The following PDZD7 variants were observed in gnomAD, a reference collection of about 807,000 sequenced individuals.
PDZD7 encodes PDZ domain containing 7, also known as PDZ domain-containing protein 7.
A neutral mutation model predicts 84.7 loss-of-function variants in PDZD7; 72 were observed. The observed-to-expected ratio is 0.85, with a 90% CI of 0.70 to 1.03. PDZD7 has a LOEUF of 1.03. Among genes scored for constraint, PDZD7 ranks in the 50% least tolerant of loss-of-function variants. PDZD7 has a pLI of 0.00. For missense variants in PDZD7, 1,490 were observed against 1,412.9 expected, an observed-to-expected ratio of 1.05 and a Z score of -0.87; for synonymous variants, 594 against 580.7, an observed-to-expected ratio of 1.02 and a Z score of -0.33.
chr10:101,012,243 C>T lies in PDZD7; in HGVS notation c.1765G>A (p.Gly589Ser), dbSNP rs1355926592. Residue 589 changes from glycine to serine, a missense_variant, in exon 12 of 17, where the codon GGC becomes AGC. Physicochemically the swap from Gly to Ser is moderately conservative, Grantham distance 56. Coordinates refer to ENST00000619208, the MANE Select transcript of PDZD7 (RefSeq NM_001195263.2). ...AGGGGCCTCACCAGGTCCTCTATGC[C>T]TCCCTCGTGCACATACTGCAGATAG... ...RHCSRYVHEG[G>S]IEDLVRPLLA... is the part of the protein sequence containing the mutation. The T allele has an allele frequency of 1.3e-6, 2 of 1,550,180 alleles. No homozygotes were observed. Among genetic ancestry groups the T allele is most frequent in the East Asian group, 2.4e-5 (1 of 40,920 alleles).
chr10:101,018,515 G>T (rs924683012), intron 8 of PDZD7, among the ~76,000 whole-genome samples: 1 of 152,222 alleles, frequency 6.6e-6, no homozygotes, highest in African/African-American at 2.4e-5. Context: ...GGCCCAGTTA[G>T]AGAAGGGCAC....
At chr10:101,025,766 T>C (rs566328764) in intron 2 of PDZD7, among the ~76,000 whole-genome samples, 80 of 147,402 alleles carry the variant, frequency 5.4e-4, no homozygotes, top group East Asian at 6.1e-4. Flanking sequence ...CCAGGATTGT[T>C]TTGATCTCCT....
At chr10:101,008,962 T>G in intron 16 of PDZD7, 112 bp from the exon 17 acceptor site, 2 of 1,298,474 alleles carry the variant, frequency 1.5e-6, no homozygotes, top group Non-Finnish European at 2.0e-6. Flanking sequence ...TCCTCCCCCA[T>G]CTGGGTGGAG....
At chr10:101,018,669 C>A (rs1852852093) in intron 8 of PDZD7, among the ~76,000 whole-genome samples, 153 bp downstream of exon 8, 1 of 152,122 alleles carries the variant, frequency 6.6e-6, no homozygotes, top group African/African-American at 2.4e-5. Context: ...TAAAGTGGAG[C>A]CCACAGCAGG....
chr10:101,012,137 C>T, intron 12 of PDZD7, 30 bp downstream of exon 12: 2 of 1,546,774 alleles, frequency 1.3e-6, no homozygotes, highest in Non-Finnish European at 1.7e-6. Flanking sequence ...CCCTTCCTGC[C>T]CCCAAGCCCT....
intron 9 of PDZD7, among the ~76,000 whole-genome samples, 199 bp from the exon 10 acceptor site, chr10:101,016,626 G>A (rs547077745): frequency 5.3e-5 from 8 of 152,358 alleles, no homozygotes; most frequent in Admixed American, 6.5e-5. Flanking sequence ...GAGTCAGGAC[G>A]GTTTTGGATC....
Position 101,023,936 on chromosome 10 carries a change from C to T in PDZD7, c.359G>A (p.Ser120Asn). 1 of 1,614,274 alleles carries T rather than the reference C, an allele frequency of 6.2e-7. No individual in the cohort carries two copies. ...GIFVSKVEEGSSAERAGLCVG... is the reference protein window; with the variant it reads ...GIFVSKVEEGNSAERAGLCVG... ...CTGGGGGTTCTGCTTACCTGCACTG[C>T]TGCCTTCCTCCACTTTGCTGACGAA... is the stretch of plus-strand genomic sequence containing the variant. Residue 120 changes from serine to asparagine, a missense_variant, in exon 3 of 17, where the codon AGC becomes AAC. Coordinates refer to ENST00000619208, the MANE Select transcript of PDZD7 (RefSeq NM_001195263.2).
chr10:101,026,280 A>G (rs1198566900), intron 2 of PDZD7, among the ~76,000 whole-genome samples: 2 of 151,940 alleles, frequency 1.3e-5, no homozygotes, highest in East Asian at 1.9e-4. Context: ...GATTACTGGC[A>G]TGTGCCACCA....
At chr10:101,020,534 G>T in intron 7 of PDZD7, 84 bp downstream of exon 7, 1 of 1,306,778 alleles carries the variant, frequency 7.7e-7, no homozygotes, top group Non-Finnish European at 1.1e-6. Flanking sequence ...CACCAAGCCT[G>T]GCCCTTTTCT....
intron 2 of PDZD7, among the ~76,000 whole-genome samples, chr10:101,027,479 C>T (rs1265004912): frequency 2.6e-5 from 4 of 152,186 alleles, no homozygotes; most frequent in Non-Finnish European, 4.4e-5. Flanking sequence ...TCTTGTAGGG[C>T]TTCTCAAAGC....
intron 2 of PDZD7, among the ~76,000 whole-genome samples, chr10:101,029,756 C>T (rs1312483390): frequency 6.6e-6 from 1 of 152,208 alleles, no homozygotes; most frequent in East Asian, 1.9e-4. Context: ...GCTGCCATGG[C>T]CTTCTTTCCC....
Position 101,022,213 on chromosome 10 carries a change from A to T in PDZD7, c.715T>A (p.Ser239Thr), listed in dbSNP as rs772998137. The stretch of plus-strand genomic sequence containing the variant: ...ACTTCCTGCCTCAGCCCTCACTTGG[A>T]CACATAGATGCCCAGGCCAAACTCC... The part of the protein sequence containing the change: ...GKEFGLGIYV[S>T]KVDHGGLAEE... The change falls in exon 5 of 17, where the codon TCC becomes ACC. Residue 239 changes from serine to threonine, a missense_variant. By Grantham distance (58) the Ser-to-Thr change is moderately conservative. Coordinates refer to ENST00000619208, the MANE Select transcript of PDZD7 (RefSeq NM_001195263.2). 2.5e-6 allele frequency: 4 copies of T among 1,614,148 alleles called. No homozygotes were observed. The East Asian group carries it at 8.9e-5, about 36-fold the overall frequency.
chr10:101,025,572 G>T (rs1937638080), intron 2 of PDZD7, among the ~76,000 whole-genome samples: 2 of 141,170 alleles, frequency 1.4e-5, no homozygotes, highest in Non-Finnish European at 3.0e-5. Flanking sequence ...ATCTGAGACA[G>T]AGTCTCGCTC....
In PDZD7 at chr10:101,008,357, GA is replaced by G. The variant is rs1214974940; in HGVS notation, c.*109del. On this transcript the variant is annotated 3_prime_UTR_variant, in exon 17 of 17. Transcript: ENST00000619208. ...ATGTGAGCCACCAGTGTGGCACTGG[GA>G]GGAGGCAGGGTGGGCAGGAGCTGGA... is the stretch of plus-strand genomic sequence containing the variant. 1 of 1,118,260 alleles carries G rather than the reference GA, an allele frequency of 8.9e-7. No homozygotes were observed. The highest frequency in any genetic ancestry group is 1.2e-6 in the Non-Finnish European group (1 of 807,034). 69.3% of individuals were successfully genotyped at this position (1,118,260 alleles called of 1,614,324 possible).
rs1325435387 is a variant in PDZD7, at chr10:101,023,178, GC to G, written c.542+257del. 6 of 488,616 alleles carry G rather than the reference GC, an allele frequency of 1.2e-5. No individual in the cohort carries two copies. The African/African-American group carries it at 1.2e-4, about 10-fold the overall frequency. 30.3% of individuals were successfully genotyped at this position (488,616 alleles called of 1,614,324 possible). On this transcript the variant is annotated intron_variant, in intron 4 of 16. Coordinates refer to ENST00000619208, the MANE Select transcript of PDZD7 (RefSeq NM_001195263.2). The stretch of plus-strand genomic sequence containing the variant: ...CACCCCTGTAGAGAGGTGGTGTTTT[GC>G]CTCTGGGTTTCACAGCAGGAGCAGC...
At chr10:101,026,875 T>C (rs1382725108) in intron 2 of PDZD7, among the ~76,000 whole-genome samples, 3 of 152,020 alleles carry the variant, frequency 2.0e-5, no homozygotes, top group Non-Finnish European at 4.4e-5. Context: ...ACTTTCAGCC[T>C]TAGCCAAGGA....
At chr10:101,024,215 GC>G in intron 2 of PDZD7, 147 bp from the exon 3 acceptor site, 1 of 1,073,254 alleles carries the variant, frequency 9.3e-7, no homozygotes, top group Non-Finnish European at 1.4e-6. Flanking sequence ...GGGCAGGTCA[GC>G]CCATTTCTAA....
rs547165797 is a variant in PDZD7, at chr10:101,010,173, G to A, written c.2617+99C>T. 4 of 1,398,654 alleles carry A rather than the reference G, an allele frequency of 2.9e-6. No homozygotes were observed. In the Admixed American group the frequency reaches 7.7e-5, roughly 27 times the overall value. The allele number at this position is 1,398,654 out of a possible 1,614,324, so 86.6% of individuals were successfully genotyped here. A position where few individuals can be genotyped will look rare whatever the true frequency, so the allele number is the denominator to read the frequency against. ...GCCTCCCAAAGTGCTGGGGTTACAG[G>A]TGTGAGCCTCTGCGCCTGGCCCAAT... On this transcript the variant is annotated intron_variant, in intron 15 of 16. Coordinates refer to ENST00000619208, the MANE Select transcript of PDZD7 (RefSeq NM_001195263.2).
At position 101,020,668 on chromosome 10, in the gene PDZD7, C is replaced by T. The variant is rs368026275; in HGVS notation, c.878G>A (p.Arg293Gln). The T allele has an allele frequency of 4.0e-5, 64 of 1,613,698 alleles. No individual in the cohort carries two copies. Among genetic ancestry groups the T allele is most frequent in the Middle Eastern group, 1.6e-4 (1 of 6,078 alleles). ...HIMLTIKETG[R>Q]YPAYKEMVSE... ...AACCATCTCCTTGTAGGCAGGATAC[C>T]GGCCGGTCTCCTGGGGAGGGGATGG... Residue 293 changes from arginine (R) to glutamine (Q), a missense_variant, in exon 7 of 17, where the codon CGG (arginine) becomes CAG (glutamine). Coordinates refer to ENST00000619208, the MANE Select transcript of PDZD7 (RefSeq NM_001195263.2).
Sources: gnomAD v4.1 joint callset for allele counts (sites outside exome capture counted in the v4.1 genomes callset) on GRCh38, gnomAD v4.1.1 for gene constraint, MANE v1.5 for transcripts, NCBI Gene and HGNC (gene_info 2026-07-23, HGNC 2026-07-21) for gene names.